BARHL1: variants seen among roughly 807,000 people sequenced by gnomAD.
The protein encoded by BARHL1 is barH-like 1 homeobox protein.
In BARHL1, 2 loss-of-function variants were observed where a neutral mutation model predicts 20.1. The observed-to-expected ratio is 0.10, with a 90% CI of 0.04 to 0.31. The LOEUF (loss-of-function observed/expected upper bound fraction) is 0.31. BARHL1 is among the 10% of genes least tolerant of loss of function. BARHL1 has a pLI of 1.00. For missense variants in BARHL1, 397 were observed against 454.0 expected (o/e 0.87, Z 1.14); for synonymous variants, 213 against 209.9 (o/e 1.01, Z -0.13).
At chr9:132,583,903 C>T (rs142266136) in intron 1 of BARHL1, among the ~76,000 whole-genome samples, 2 of 152,296 alleles carry the variant, frequency 1.3e-5, no homozygotes, top group East Asian at 3.9e-4. Flanking sequence ...ACCCACCCCC[C>T]AATGGCTCTC....
At chr9:132,584,334 C>A (rs1400474850) in intron 1 of BARHL1, among the ~76,000 whole-genome samples, 1 of 152,196 alleles carries the variant, frequency 6.6e-6, no homozygotes, top group East Asian at 1.9e-4. Context: ...TGGGAGACAG[C>A]CCCACGTCCC....
Position 132,582,931 on chromosome 9 carries a change from G to A in BARHL1, c.134G>A (p.Ser45Asn). ...PLELSPRSES[S>N]SDCSSPASPG... ...GAGCTGAGTCCACGCTCAGAGAGCA[G>A]CAGCGACTGCTCTTCGCCAGCCTCT... Residue 45 changes from serine to asparagine, a missense_variant, in exon 1 of 3, where the codon AGC (serine) becomes AAC (asparagine). This residue lies in a region of BARHL1 where 272 missense variants were observed against 298.7 expected (regional missense o/e 0.91). Coordinates refer to ENST00000263610, the MANE Select transcript of BARHL1 (RefSeq NM_020064.4). 6.2e-7 allele frequency: 1 copy of A among 1,613,478 alleles called. No individual in the cohort carries two copies. Among genetic ancestry groups the A allele is most frequent in the Non-Finnish European group, 8.5e-7 (1 of 1,179,962 alleles).
At chr9:132,584,943 C>T (rs897623157) in intron 1 of BARHL1, among the ~76,000 whole-genome samples, 3 of 152,184 alleles carry the variant, frequency 2.0e-5, no homozygotes, top group Non-Finnish European at 4.4e-5. Flanking sequence ...GCAACAAGAA[C>T]GGCCCCGCTT....
At chr9:132,583,601 G>T (rs1830099401) in intron 1 of BARHL1, among the ~76,000 whole-genome samples, 1 of 152,242 alleles carries the variant, frequency 6.6e-6, no homozygotes, top group Non-Finnish European at 1.5e-5. Context: ...CAGGCCAGTG[G>T]CTCTCTAGGA....
chr9:132,582,955 C>G lies in BARHL1; in HGVS notation c.158C>G (p.Ser53Cys). 6.2e-7 allele frequency: 1 copy of G among 1,613,922 alleles called. No individual in the cohort carries two copies. Among genetic ancestry groups the G allele is most frequent in the Non-Finnish European group, 8.5e-7 (1 of 1,179,964 alleles). ...ESSSDCSSPASPGRDCLETGT... is the reference protein window; with the variant it reads ...ESSSDCSSPACPGRDCLETGT... The stretch of plus-strand genomic sequence containing the variant: ...AGCAGCGACTGCTCTTCGCCAGCCT[C>G]TCCAGGAAGGGACTGTTTGGAGACG... Residue 53 changes from serine to cysteine, a missense_variant, in exon 1 of 3, where the codon TCT (serine) becomes TGT (cysteine). Transcript: ENST00000263610.
chr9:132,582,755 G>A lies in BARHL1; in HGVS notation c.-43G>A. On this transcript the variant is annotated 5_prime_UTR_variant, in exon 1 of 3. Coordinates refer to ENST00000263610, the MANE Select transcript of BARHL1 (RefSeq NM_020064.4). ...AGGGGCAGCGGCGGCTGGGGTTGGG[G>A]GTGGGTGGGGAGCTTTTGGGGAGGA... is the stretch of plus-strand genomic sequence containing the variant. 2.0e-6 allele frequency: 3 copies of A among 1,513,124 alleles called. No homozygotes were observed. Among genetic ancestry groups the A allele is most frequent in the Non-Finnish European group, 1.8e-6 (2 of 1,116,046 alleles). The allele number at this position is 1,513,124 out of a possible 1,614,324, so 93.7% of individuals were successfully genotyped here. A position where few individuals can be genotyped will look rare whatever the true frequency, so the allele number is the denominator to read the frequency against.
chr9:132,584,863 G>A (rs1830121162), intron 1 of BARHL1, among the ~76,000 whole-genome samples: 2 of 152,178 alleles, frequency 1.3e-5, no homozygotes, highest in African/African-American at 4.8e-5. Context: ...CATGGAGAAG[G>A]GGGAGGAGGA....
At chr9:132,584,053 CGTT>C (rs1830102770) in intron 1 of BARHL1, among the ~76,000 whole-genome samples, 1 of 151,064 alleles carries the variant, frequency 6.6e-6, no homozygotes, top group Non-Finnish European at 1.5e-5. Flanking sequence ...TATGAATCTT[CGTT>C]GTTGTTTGTT....
In BARHL1 at chr9:132,587,783, C is replaced by A. The variant is rs1259664757; in HGVS notation, c.689+232C>A. Among the ~76,000 whole-genome samples, 1 of 152,224 alleles carries A rather than the reference C, an allele frequency of 6.6e-6. No homozygotes were observed. The highest frequency in any genetic ancestry group is 1.5e-5 in the Non-Finnish European group (1 of 68,040). On this transcript the variant is annotated intron_variant, in intron 2 of 2. Transcript: ENST00000263610. The surrounding 1 kb of genome is among the most constrained non-coding windows in gnomAD (Gnocchi z 5.5). Reference sequence around the variant, plus strand: ...TGTCCAGCGTCCAGTCAGCCCTCCCCCGGATGGGTGGACAGACACATAGGC... The same window carrying A: ...TGTCCAGCGTCCAGTCAGCCCTCCCACGGATGGGTGGACAGACACATAGGC...
Position 132,589,308 on chromosome 9 carries a change from T to G in BARHL1, c.770T>G (p.Phe257Cys). 1 of 1,613,554 alleles carries G rather than the reference T, an allele frequency of 6.2e-7. No homozygotes were observed. The highest frequency in any genetic ancestry group is 8.5e-7 in the Non-Finnish European group (1 of 1,180,008). Residue 257 changes from phenylalanine (F) to cysteine (C), a missense_variant, in exon 3 of 3, where the codon TTC (phenylalanine) becomes TGC (cysteine). Around this residue, in one of 3 missense-constraint regions of BARHL1, gnomAD observed 121 missense variants for 135.9 expected, o/e 0.89. Coordinates refer to ENST00000263610, the MANE Select transcript of BARHL1 (RefSeq NM_020064.4). ...AATTACTCAGCGCTCCAGCGGATGTTCCCGTCGCCTTATTTCTACCCGCAG... is the reference window on the plus strand; with the variant it reads ...AATTACTCAGCGCTCCAGCGGATGTGCCCGTCGCCTTATTTCTACCCGCAG... The part of the protein sequence containing the change: ...AGNYSALQRM[F>C]PSPYFYPQSL...
rs1357569645 is a variant in BARHL1 at position 132,587,167 on chromosome 9, C to A, written c.467-162C>A. Among the ~76,000 whole-genome samples the A allele has an allele frequency of 6.6e-6, 1 of 152,228 alleles. No homozygotes were observed. The highest frequency in any genetic ancestry group is 1.5e-5 in the Non-Finnish European group (1 of 68,038). On this transcript the variant is annotated intron_variant, in intron 1 of 2. Transcript: ENST00000263610. The surrounding 1 kb of genome is among the most constrained non-coding windows in gnomAD (Gnocchi z 5.5). ...TTCCCCTCAGGGTTCATGTCCTGTT[C>A]CCGGGGCCCCAGAGGTCCCGTCTGA... is the stretch of plus-strand genomic sequence containing the variant.
At position 132,583,161 on chromosome 9, in the gene BARHL1, G is replaced by A; in HGVS notation, c.364G>A (p.Ala122Thr). ...APYSSSGQPA[A>T]PEPGGRLAAK... Reference sequence around the variant, plus strand: ...CTACTCTAGCAGCGGGCAGCCGGCAGCCCCTGAGCCTGGGGGCCGCCTTGC... The same window carrying A: ...CTACTCTAGCAGCGGGCAGCCGGCAACCCCTGAGCCTGGGGGCCGCCTTGC... Residue 122 changes from alanine to threonine, a missense_variant, in exon 1 of 3, where the codon GCC (alanine) becomes ACC (threonine). Ala to Thr is a moderately conservative substitution (Grantham distance 58). Transcript: ENST00000263610. 6.2e-7 allele frequency: 1 copy of A among 1,613,726 alleles called. No homozygotes were observed. The highest frequency in any genetic ancestry group is 8.5e-7 in the Non-Finnish European group (1 of 1,179,982).
rs1830160514 is a variant in BARHL1 at position 132,587,864 on chromosome 9, G to T, written c.689+313G>T. Among the ~76,000 whole-genome samples, 1 of 152,198 alleles carries T rather than the reference G, an allele frequency of 6.6e-6. No homozygotes were observed. The highest frequency in any genetic ancestry group is 2.1e-4 in the South Asian group (1 of 4,824). ...GCCGGAGTGGGGGGAGGTCTGCCTGGAGCCCCCACCTGAGCCAGCGTGGGT... is the reference window on the plus strand; with the variant it reads ...GCCGGAGTGGGGGGAGGTCTGCCTGTAGCCCCCACCTGAGCCAGCGTGGGT... On this transcript the variant is annotated intron_variant, in intron 2 of 2. Transcript: ENST00000263610. This position sits in a 1 kb window ranked among gnomAD's most constrained non-coding sequence, Gnocchi z 5.5.
intron 1 of BARHL1, among the ~76,000 whole-genome samples, chr9:132,586,834 GT>G (rs929928922): frequency 1.3e-5 from 2 of 152,230 alleles, no homozygotes; most frequent in African/African-American, 4.8e-5. Context: ...GAGAGAGCAG[GT>G]TTTTGTCCCT....
At chr9:132,584,169 G>GGGAAA (rs1348358953) in intron 1 of BARHL1, among the ~76,000 whole-genome samples, 2 of 145,934 alleles carry the variant, frequency 1.4e-5, no homozygotes, top group African/African-American at 5.0e-5. Flanking sequence ...AAGGAAGGAA[G>GGGAAA]GGAAAGGGAA....
chr9:132,589,182 A>G (rs201929170), intron 2 of BARHL1, 46 bp from the exon 3 acceptor site: 15 of 1,550,342 alleles, frequency 9.7e-6, no homozygotes, highest in Non-Finnish European at 1.2e-5. Context: ...GGGTCGCTGG[A>G]TGCCCTAGCC....
intron 1 of BARHL1, among the ~76,000 whole-genome samples, chr9:132,585,240 G>GA (rs758933992): frequency 6.6e-5 from 10 of 152,218 alleles, no homozygotes; most frequent in Admixed American, 3.9e-4. Flanking sequence ...TGCCCCTAGT[G>GA]AAAAAAGGAG....
intron 1 of BARHL1, among the ~76,000 whole-genome samples, chr9:132,584,621 T>C (rs1273344335): frequency 2.0e-5 from 3 of 152,142 alleles, no homozygotes; most frequent in Non-Finnish European, 4.4e-5. Flanking sequence ...AAACCGAAAT[T>C]CATCGGTCCG....
In BARHL1 at chr9:132,582,642, G is replaced by A; in HGVS notation, c.-156G>A. On this transcript the variant is annotated 5_prime_UTR_variant, in exon 1 of 3. Coordinates refer to ENST00000263610, the MANE Select transcript of BARHL1 (RefSeq NM_020064.4). Reference sequence around the variant, plus strand: ...AATGCGCAGAGGAGGTTGGCCCAGAGCTCCCGGGCTCCCCCAAGGCTGAAC... The same window carrying A: ...AATGCGCAGAGGAGGTTGGCCCAGAACTCCCGGGCTCCCCCAAGGCTGAAC... 1.5e-6 allele frequency: 1 copy of A among 660,298 alleles called. No individual in the cohort carries two copies. The allele number at this position is 660,298 out of a possible 1,614,324, so 40.9% of individuals were successfully genotyped here.
Sources: gnomAD v4.1 joint callset for allele counts (sites outside exome capture counted in the v4.1 genomes callset) on GRCh38, gnomAD v4.1.1 for gene constraint, gnomAD v4.1.1 regional missense constraint, Gnocchi (gnomAD v3.1) non-coding constraint, MANE v1.5 for transcripts, NCBI Gene and HGNC (gene_info 2026-07-23, HGNC 2026-07-21) for gene names.